Variants in GABRG3 observed in about 807,000 individuals in gnomAD.
GABRG3 encodes the protein gamma-aminobutyric acid type A receptor subunit gamma3, also known as gamma-aminobutyric acid receptor subunit gamma-3.
GABRG3 carries 25 observed loss-of-function variants against 48.8 expected under a neutral mutation model. The observed-to-expected ratio is 0.51, with a 90% CI of 0.37 to 0.72. The LOEUF is 0.72. GABRG3 is among the 30% of genes least tolerant of loss of function. The probability of loss-of-function intolerance (pLI) is 0.00; values close to 1 mark genes in which losing one functional copy is unlikely to be tolerated. For missense variants in GABRG3, 394 were observed against 577.9 expected, an observed-to-expected ratio of 0.68 and a Z score of 3.26; for synonymous variants, 227 against 217.6, an observed-to-expected ratio of 1.04 and a Z score of -0.38.
At chr15:27,196,974 A>G (rs1888516472) in intron 3 of GABRG3, among the ~76,000 whole-genome samples, 1 of 152,232 alleles carries the variant, frequency 6.6e-6, no homozygotes, top group South Asian at 2.1e-4. Flanking sequence ...TGAAACAAAT[A>G]GCCCAAGAGC....
At chr15:27,278,248 C>T (rs942673817) in intron 3 of GABRG3, among the ~76,000 whole-genome samples, 5 of 152,020 alleles carry the variant, frequency 3.3e-5, no homozygotes, top group African/African-American at 7.2e-5. Context: ...GACGAGGTTT[C>T]GCCATATTGA....
chr15:27,434,742 G>A (rs1283818659), intron 5 of GABRG3, among the ~76,000 whole-genome samples: 1 of 152,196 alleles, frequency 6.6e-6, no homozygotes, highest in Non-Finnish European at 1.5e-5. Context: ...GAGGCATAGA[G>A]TAGGCAGGGA....
intron 3 of GABRG3, among the ~76,000 whole-genome samples, chr15:27,291,579 G>T (rs1274438120): frequency 1.3e-5 from 2 of 152,186 alleles, no homozygotes; most frequent in Non-Finnish European, 2.9e-5. Context: ...AAGATGAAAA[G>T]CTGAACTATA....
At chr15:27,004,119 CGG>C (rs1211475108) in intron 2 of GABRG3, among the ~76,000 whole-genome samples, 2 of 144,432 alleles carry the variant, frequency 1.4e-5, no homozygotes, top group Non-Finnish European at 3.0e-5. Flanking sequence ...GCTGGCCGGG[CGG>C]GGGGCTGACC....
At chr15:27,027,127 T>C (rs1044731302) in intron 3 of GABRG3, 3 of 245,972 alleles carry the variant, frequency 1.2e-5, no homozygotes, top group African/African-American at 2.2e-5. Context: ...GTTTGGACTT[T>C]GAGAGTAAAT....
intron 6 of GABRG3, among the ~76,000 whole-genome samples, chr15:27,494,540 A>G: frequency 6.6e-6 from 1 of 152,192 alleles, no homozygotes; most frequent in East Asian, 1.9e-4. Context: ...GACTATCCAA[A>G]TGCCTTATTT....
chr15:27,193,069 C>A (rs1050663535), intron 3 of GABRG3, among the ~76,000 whole-genome samples: 1 of 152,162 alleles, frequency 6.6e-6, no homozygotes, highest in Non-Finnish European at 1.5e-5. Context: ...CTGATCGTTC[C>A]TCTGGAAGTT....
At chr15:27,118,357 T>G (rs958765779) in intron 3 of GABRG3, among the ~76,000 whole-genome samples, 2 of 152,154 alleles carry the variant, frequency 1.3e-5, no homozygotes, top group Non-Finnish European at 2.9e-5. Context: ...TCAACCTACT[T>G]GCTTTCCCTC....
chr15:27,093,042 ACTC>A (rs755717446), intron 3 of GABRG3, among the ~76,000 whole-genome samples: 2 of 151,838 alleles, frequency 1.3e-5, no homozygotes, highest in Non-Finnish European at 2.9e-5. Flanking sequence ...TACCCCACGG[ACTC>A]CTCTAGACAG....
At chr15:27,013,502 G>T (rs1452501038) in intron 2 of GABRG3, among the ~76,000 whole-genome samples, 2 of 151,874 alleles carry the variant, frequency 1.3e-5, no homozygotes, top group Non-Finnish European at 2.9e-5. Flanking sequence ...ATAGTTTTTG[G>T]TCTCATATTT....
chr15:27,296,841 CCTT>C (rs1227976112), intron 3 of GABRG3, among the ~76,000 whole-genome samples: 3 of 131,960 alleles, frequency 2.3e-5, no homozygotes, highest in Non-Finnish European at 4.8e-5. Flanking sequence ...AAAATGTACT[CCTT>C]CTACTTTTTT....
At chr15:27,114,973 G>T (rs1897616906) in intron 3 of GABRG3, among the ~76,000 whole-genome samples, 1 of 151,892 alleles carries the variant, frequency 6.6e-6, no homozygotes, top group Non-Finnish European at 1.5e-5. Context: ...AGATGCTATT[G>T]GTCCTTGAAT....
At position 27,227,001 on chromosome 15, in the gene GABRG3, G is replaced by GA. The variant is rs1212902493; in HGVS notation, c.271-99808_271-99807insA. On this transcript the variant is annotated intron_variant, in intron 3 of 9. Transcript: ENST00000615808. ...TCCTTTAATAAAACGTTGATATCAG[G>GA]GAAAAAAAACTGAAAGAAAAAGGAA... is the stretch of plus-strand genomic sequence containing the variant. Among the ~76,000 whole-genome samples, 3 of 151,706 alleles carry GA rather than the reference G, an allele frequency of 2.0e-5. No individual in the cohort carries two copies. The East Asian group carries it at 5.8e-4, about 29-fold the overall frequency.
At chr15:27,313,307 T>TATATATATATATAC (rs1260635523) in intron 3 of GABRG3, among the ~76,000 whole-genome samples, 10 of 98,960 alleles carry the variant, frequency 1.0e-4, no homozygotes, top group East Asian at 6.2e-4. Flanking sequence ...TATATATATA[T>TATATATATATATAC]ATACCCAACA....
At chr15:27,291,864 A>C (rs1295179785) in intron 3 of GABRG3, among the ~76,000 whole-genome samples, 1 of 152,156 alleles carries the variant, frequency 6.6e-6, no homozygotes, top group African/African-American at 2.4e-5. Flanking sequence ...TTGGGTATTG[A>C]TCAGATGTAT....
At chr15:27,050,659 G>T (rs1253441299) in intron 3 of GABRG3, among the ~76,000 whole-genome samples, 2 of 152,106 alleles carry the variant, frequency 1.3e-5, no homozygotes, top group Non-Finnish European at 2.9e-5. Flanking sequence ...GGAGGGGGCT[G>T]TTTTTATTCT....
chr15:27,038,555 C>T (rs184162988), intron 3 of GABRG3, among the ~76,000 whole-genome samples: 13 of 152,218 alleles, frequency 8.5e-5, no homozygotes, highest in Non-Finnish European at 1.6e-4. Context: ...CTGGACACCA[C>T]CGGCTTCCCT....
Position 27,116,615 on chromosome 15 carries a change from A to G in GABRG3, c.270+89794A>G, listed in dbSNP as rs555082552. Among the ~76,000 whole-genome samples, 17 of 152,294 alleles carry G rather than the reference A, an allele frequency of 1.1e-4. No homozygotes were observed. The South Asian group carries it at 1.5e-3, about 13-fold the overall frequency. On this transcript the variant is annotated intron_variant, in intron 3 of 9. Coordinates refer to ENST00000615808, the MANE Select transcript of GABRG3 (RefSeq NM_033223.5). ...AGAAGAAACATAGCCACCATTTACTATGGTTGCAGTGTTTGTATTTCTCTA... is the reference window on the plus strand; with the variant it reads ...AGAAGAAACATAGCCACCATTTACTGTGGTTGCAGTGTTTGTATTTCTCTA...
chr15:27,139,601 C>CT (rs1443286414), intron 3 of GABRG3, among the ~76,000 whole-genome samples: 2 of 151,452 alleles, frequency 1.3e-5, no homozygotes, highest in African/African-American at 4.9e-5. Flanking sequence ...CAGGTACTTA[C>CT]TTTTTCTGAA....
Sources: gnomAD v4.1 joint callset for allele counts (sites outside exome capture counted in the v4.1 genomes callset) on GRCh38, gnomAD v4.1.1 for gene constraint, MANE v1.5 for transcripts, NCBI Gene and HGNC (gene_info 2026-07-23, HGNC 2026-07-21) for gene names.